Variants in ANO1 observed in about 807,000 individuals in gnomAD.
ANO1 encodes anoctamin-1.
ANO1 carries 59 observed loss-of-function variants against 124.0 expected under a neutral mutation model. The ratio of observed to expected loss-of-function variants is 0.48; its 90% CI spans 0.39 to 0.59. The LOEUF is 0.59. ANO1 is among the 20% of genes least tolerant of loss of function. ANO1 has a pLI of 0.00. For missense variants in ANO1, 1,059 were observed against 1,328.0 expected, an observed-to-expected ratio of 0.80 and a Z score of 3.15; for synonymous variants, 529 against 532.0, an observed-to-expected ratio of 0.99 and a Z score of 0.08.
intron 19 of ANO1, among the ~76,000 whole-genome samples, chr11:70,165,012 G>C (rs905575652): frequency 6.6e-6 from 1 of 152,182 alleles, no homozygotes; most frequent in Admixed American, 6.5e-5. Flanking sequence ...ACAGAGATGG[G>C]GGTCTCACAG....
intron 10 of ANO1, among the ~76,000 whole-genome samples, chr11:70,128,514 C>T (rs561198969): frequency 2.0e-5 from 3 of 152,332 alleles, no homozygotes; most frequent in Admixed American, 6.5e-5. Flanking sequence ...CATGCCAGCT[C>T]GGCCCTTCCA....
upstream of ANO1, among the ~76,000 whole-genome samples, chr11:70,075,974 C>G (rs545229292): frequency 8.5e-5 from 13 of 152,330 alleles, no homozygotes; most frequent in Non-Finnish European, 1.9e-4. Flanking sequence ...CCTAGACCCA[C>G]GAACCCCCGG....
intron 2 of ANO1, among the ~76,000 whole-genome samples, chr11:70,094,808 T>G (rs2044774464): frequency 6.6e-6 from 1 of 152,262 alleles, no homozygotes; most frequent in Non-Finnish European, 1.5e-5. Context: ...AAAGATTTTA[T>G]GCCTCCCCAG....
chr11:70,065,688 G>A (rs964049478), intron 1 of ANO1, among the ~76,000 whole-genome samples: 2 of 149,726 alleles, frequency 1.3e-5, no homozygotes, highest in African/African-American at 5.0e-5. Flanking sequence ...GTCCCCCGTC[G>A]TCCCCCTAGC....
chr11:70,161,795 C>T, intron 18 of ANO1, 62 bp downstream of exon 18: 1 of 1,530,704 alleles, frequency 6.5e-7, no homozygotes, highest in Non-Finnish European at 9.0e-7. Flanking sequence ...AGGGCTCTCC[C>T]TCCCCACAGG....
At chr11:70,122,644 CTCTGTCTCTGTCTCTCCA>C (rs1278935127) in intron 8 of ANO1, among the ~76,000 whole-genome samples, 2 of 151,640 alleles carry the variant, frequency 1.3e-5, no homozygotes, top group Admixed American at 6.6e-5. Context: ...CCTTCTCTCT[CTCTGTCTCTGTCTCTCCA>C]TCTGTCTCTG....
intron 1 of ANO1, among the ~76,000 whole-genome samples, chr11:69,994,035 T>C (rs1565156003): frequency 6.6e-6 from 1 of 151,932 alleles, no homozygotes. Context: ...CTGCACTTGA[T>C]CAAGTTCCAA....
chr11:70,022,584 C>T lies in ANO1; in HGVS notation c.58+36418C>T, dbSNP rs531292032. Among the ~76,000 whole-genome samples the T allele has an allele frequency of 2.7e-5, 4 of 148,730 alleles. No individual in the cohort carries two copies. The South Asian group carries it at 8.8e-4, about 33-fold the overall frequency. ...TCATGCCACTGTACTCCAGCCTTGG[C>T]AACAGAGTGAGACTCCATCTCAAAA... On this transcript the variant is annotated intron_variant, in intron 1 of 27. Transcript: ENST00000531349.
chr11:70,015,837 G>C (rs1198903574), intron 1 of ANO1: 1 of 152,238 alleles, frequency 6.6e-6, no homozygotes, highest in East Asian at 1.9e-4. Flanking sequence ...AGGGTGCTGG[G>C]CAGGGTCCAC....
At chr11:69,971,730 C>G in the ANO1 span, among the ~76,000 whole-genome samples, 1 of 152,026 alleles carries the variant, frequency 6.6e-6, no homozygotes, top group Admixed American at 6.6e-5. Context: ...GCTCCAGGCC[C>G]GGGGAGGCCT....
chr11:70,165,432 G>A, intron 19 of ANO1, 38 bp from the exon 20 acceptor site: 1 of 1,549,130 alleles, frequency 6.5e-7, no homozygotes, highest in Non-Finnish European at 8.8e-7. Context: ...CTCTCTCGGT[G>A]TCCCTGTAGC....
At chr11:70,128,700 C>T (rs1414490827) in intron 10 of ANO1, among the ~76,000 whole-genome samples, 1 of 152,264 alleles carries the variant, frequency 6.6e-6, no homozygotes, top group Admixed American at 6.5e-5. Flanking sequence ...CAGCATGGAG[C>T]CGCCTGCTGC....
intron 1 of ANO1, chr11:70,072,418 A>C (rs1208382481): frequency 6.6e-6 from 1 of 152,256 alleles, no homozygotes; most frequent in African/African-American, 2.4e-5. Context: ...CAAGCGTTCA[A>C]GGAAAAGGCC....
intron 2 of ANO1, among the ~76,000 whole-genome samples, chr11:70,091,321 G>A (rs1451356360): frequency 4.6e-5 from 7 of 152,204 alleles, no homozygotes; most frequent in African/African-American, 1.7e-4. Flanking sequence ...GCTTATGTGA[G>A]CTTTCCTGGG....
intron 10 of ANO1, among the ~76,000 whole-genome samples, chr11:70,130,924 G>A (rs187189808): frequency 6.5e-4 from 99 of 152,356 alleles, no homozygotes; most frequent in African/African-American, 2.3e-3. Context: ...CCCAGGCCAC[G>A]TCCAAGGCAG....
chr11:70,003,695 G>C (rs1554999682), intron 1 of ANO1, among the ~76,000 whole-genome samples: 2 of 152,104 alleles, frequency 1.3e-5, no homozygotes, highest in Non-Finnish European at 1.5e-5. Context: ...TAATTGTATT[G>C]ATGGAGAGGA....
At chr11:69,984,177 G>T (rs1855983369), upstream of ANO1, among the ~76,000 whole-genome samples, 1 of 152,124 alleles carries the variant, frequency 6.6e-6, no homozygotes, top group African/African-American at 2.4e-5. Flanking sequence ...CTCGACTTCT[G>T]CACAATGGTC....
chr11:70,183,188 T>G (rs2048994222), intron 24 of ANO1, among the ~76,000 whole-genome samples: 1 of 152,190 alleles, frequency 6.6e-6, no homozygotes, highest in South Asian at 2.1e-4. Context: ...CCAGGATAGC[T>G]TCAGGCATGG....
At chr11:70,047,834 G>A (rs782219883) in intron 1 of ANO1, among the ~76,000 whole-genome samples, 8 of 152,180 alleles carry the variant, frequency 5.3e-5, no homozygotes, top group Non-Finnish European at 1.2e-4. Context: ...AAGGAAGAAT[G>A]GTATTTTCTT....
Sources: gnomAD v4.1 joint callset for allele counts (sites outside exome capture counted in the v4.1 genomes callset) on GRCh38, gnomAD v4.1.1 for gene constraint, MANE v1.5 for transcripts, NCBI Gene and HGNC (gene_info 2026-07-23, HGNC 2026-07-21) for gene names.